Variants in ANKRD46 observed in about 807,000 individuals in gnomAD.
ANKRD46 encodes ankyrin repeat domain-containing protein 46.
ANKRD46 carries 13 observed loss-of-function variants against 19.8 expected under a neutral mutation model. The observed-to-expected ratio is 0.66, with a 90% confidence interval of 0.43 to 1.04. The LOEUF is 1.04. Ranked by LOEUF, ANKRD46 falls within the 50% of genes least tolerant of loss-of-function variation. ANKRD46 has a pLI of 0.00. For missense variants in ANKRD46, 185 were observed against 274.8 expected, an observed-to-expected ratio of 0.67 and a Z score of 2.31; for synonymous variants, 91 against 106.9, an observed-to-expected ratio of 0.85 and a Z score of 0.92.
Position 100,522,902 on chromosome 8 carries a change from CACATATAT to C in ANKRD46, c.471-139_471-132del, listed in dbSNP as rs770363998. 2,067 of 272,616 alleles carry C rather than the reference CACATATAT, an allele frequency of 7.6e-3. 4 individuals carry two copies. The highest frequency in any genetic ancestry group is 0.022 in the African/African-American group (490 of 22,188). The allele number at this position is 272,616 out of a possible 1,614,324, so 16.9% of individuals were successfully genotyped here. On this transcript the variant is annotated intron_variant, in intron 4 of 4. Transcript: ENST00000335659. ...ACACACACACACACACACACACACA[CACATATAT>C]ATATATACACACTCTTACATGCTTA... is the stretch of plus-strand genomic sequence containing the variant.
intron 5 of ANKRD46, among the ~76,000 whole-genome samples, chr8:100,514,653 A>G (rs528646175): frequency 3.9e-5 from 4 of 102,562 alleles, no homozygotes; most frequent in Non-Finnish European, 7.0e-5. Context: ...ATAGAGTCTC[A>G]CTCTGTCACC....
Position 100,550,797 on chromosome 8 carries a change from T to C in ANKRD46, c.-131+8914A>G, listed in dbSNP as rs1812370999. ...TTCACTGTTGTACGAGGAAATGAGC[T>C]TGACAAAGTGGTCACTGAGGGCAAT... On this transcript the variant is annotated intron_variant, in intron 1 of 4. Coordinates refer to ENST00000335659, the MANE Select transcript of ANKRD46 (RefSeq NM_001270377.2). This position sits in a 1 kb window ranked among gnomAD's most constrained non-coding sequence, Gnocchi z 4.4. The C allele has an allele frequency of 3.9e-5, 18 of 459,128 alleles. No individual in the cohort carries two copies. Among genetic ancestry groups the C allele is most frequent in the South Asian group, 2.8e-4 (16 of 57,128 alleles). The allele number at this position is 459,128 out of a possible 1,614,324, so 28.4% of individuals were successfully genotyped here. A position where few individuals can be genotyped will look rare whatever the true frequency, so the allele number is the denominator to read the frequency against.
In ANKRD46 at chr8:100,522,207, A is replaced by G. The variant is rs937090033; in HGVS notation, c.*348T>C. On this transcript the variant is annotated 3_prime_UTR_variant, in exon 5 of 5. Coordinates refer to ENST00000335659, the MANE Select transcript of ANKRD46 (RefSeq NM_001270377.2). The stretch of plus-strand genomic sequence containing the variant: ...ACTGTTTTTCTTTTTGAATACTTCA[A>G]TTGGTCCTATATTAGGATAAGGTTT... The G allele has an allele frequency of 8.8e-6, 9 of 1,023,794 alleles. No homozygotes were observed. The Admixed American group carries it at 2.6e-4, about 29-fold the overall frequency. 63.4% of individuals were successfully genotyped at this position (1,023,794 alleles called of 1,614,324 possible).
At chr8:100,512,345 A>G (rs1333743488) in intron 5 of ANKRD46, among the ~76,000 whole-genome samples, 7 of 152,182 alleles carry the variant, frequency 4.6e-5, no homozygotes, top group Non-Finnish European at 1.0e-4. Flanking sequence ...TTGGAAAGGT[A>G]TAGAATTAGA....
In ANKRD46 at chr8:100,510,679, TC is replaced by T; in HGVS notation, c.637-41del. The T allele has an allele frequency of 5.9e-6, 7 of 1,194,984 alleles. No homozygotes were observed. The highest frequency in any genetic ancestry group is 8.3e-6 in the Non-Finnish European group (7 of 846,570). The allele number at this position is 1,194,984 out of a possible 1,614,324, so 74.0% of individuals were successfully genotyped here. A position where few individuals can be genotyped will look rare whatever the true frequency, so the allele number is the denominator to read the frequency against. ...AAGACAGATTAAAAAAAAAAAAAAA[TC>T]CCAGTTCTGTTAAGCTGCAGAGATG... On this transcript the variant is annotated intron_variant, in intron 5 of 5. Coordinates refer to the ANKRD46 transcript ENST00000520552. The surrounding 1 kb of genome is among the most constrained non-coding windows in gnomAD (Gnocchi z 4.9).
Position 100,510,672 on chromosome 8 carries a change from A to G in ANKRD46, c.637-33T>C. On this transcript the variant is annotated intron_variant, in intron 5 of 5. Coordinates refer to the ANKRD46 transcript ENST00000520552. The surrounding 1 kb of genome is among the most constrained non-coding windows in gnomAD (Gnocchi z 4.9). ...TGTGGGGAAGACAGATTAAAAAAAA[A>G]AAAAAATCCCAGTTCTGTTAAGCTG... The G allele has an allele frequency of 6.6e-7, 1 of 1,517,264 alleles. No individual in the cohort carries two copies. Among genetic ancestry groups the G allele is most frequent in the Non-Finnish European group, 8.8e-7 (1 of 1,135,222 alleles). 94.0% of individuals were successfully genotyped at this position (1,517,264 alleles called of 1,614,324 possible).
chr8:100,545,168 C>T lies in ANKRD46; in HGVS notation c.-130-11857G>A, dbSNP rs1191177517. On this transcript the variant is annotated intron_variant, in intron 1 of 4. Coordinates refer to ENST00000335659, the MANE Select transcript of ANKRD46 (RefSeq NM_001270377.2). The surrounding 1 kb of genome is among the most constrained non-coding windows in gnomAD (Gnocchi z 4.7). ...AGTGAGACCTTGTCTCTAAAATATACATATATAAAAGTTAGGTGTGGTGAC... is the reference window on the plus strand; with the variant it reads ...AGTGAGACCTTGTCTCTAAAATATATATATATAAAAGTTAGGTGTGGTGAC... Among the ~76,000 whole-genome samples the T allele has an allele frequency of 2.0e-5, 3 of 152,076 alleles. No individual in the cohort carries two copies. The highest frequency in any genetic ancestry group is 4.4e-5 in the Non-Finnish European group (3 of 68,004).
rs180913619 is a variant in ANKRD46, at chr8:100,510,308, G to A, written c.*269C>T. ...GCCTTGTGGAGGTGGCATCCTGCCCGGGCGGAGGAGGGGATGGTTCCTGGA... is the reference window on the plus strand; with the variant it reads ...GCCTTGTGGAGGTGGCATCCTGCCCAGGCGGAGGAGGGGATGGTTCCTGGA... On this transcript the variant is annotated 3_prime_UTR_variant, in exon 6 of 6. Coordinates refer to the ANKRD46 transcript ENST00000520552. This position sits in a 1 kb window ranked among gnomAD's most constrained non-coding sequence, Gnocchi z 4.9. 200 of 391,236 alleles carry A rather than the reference G, an allele frequency of 5.1e-4. No homozygotes were observed. The highest frequency in any genetic ancestry group is 3.5e-3 in the African/African-American group (171 of 49,020). 24.2% of individuals were successfully genotyped at this position (391,236 alleles called of 1,614,324 possible). A position where few individuals can be genotyped will look rare whatever the true frequency, so the allele number is the denominator to read the frequency against.
intron 2 of ANKRD46, among the ~76,000 whole-genome samples, chr8:100,531,500 G>C (rs1811962004): frequency 6.6e-6 from 1 of 152,158 alleles, no homozygotes; most frequent in Non-Finnish European, 1.5e-5. Context: ...GCTCTCTGTG[G>C]AAAGAGTGGG....
chr8:100,548,110 GA>G (rs11439843), intron 1 of ANKRD46, among the ~76,000 whole-genome samples: 97 of 147,138 alleles, frequency 6.6e-4, no homozygotes, highest in South Asian at 6.6e-3. Context: ...TCTCAATACA[GA>G]AAAAAAAAAA....
chr8:100,553,495 G>A (rs1272954028), intron 1 of ANKRD46, among the ~76,000 whole-genome samples: 1 of 152,184 alleles, frequency 6.6e-6, no homozygotes, highest in East Asian at 1.9e-4. Context: ...GCTCATGCCT[G>A]TAATCCTAGC....
Position 100,550,749 on chromosome 8 carries a change from A to G in ANKRD46, c.-131+8962T>C, listed in dbSNP as rs893957203. The G allele has an allele frequency of 4.6e-6, 2 of 437,496 alleles. No individual in the cohort carries two copies. The highest frequency in any genetic ancestry group is 5.1e-5 in the Admixed American group (2 of 39,486). 27.1% of individuals were successfully genotyped at this position (437,496 alleles called of 1,614,324 possible). On this transcript the variant is annotated intron_variant, in intron 1 of 4. Transcript: ENST00000335659. The surrounding 1 kb of genome is among the most constrained non-coding windows in gnomAD (Gnocchi z 4.4). ...TTACTCCTTGGAGGCCATATGGGCCACCACCCTGTTGCTGTAGCCAAATTC... is the reference window on the plus strand; with the variant it reads ...TTACTCCTTGGAGGCCATATGGGCCGCCACCCTGTTGCTGTAGCCAAATTC...
rs970791154 is a variant in ANKRD46 at position 100,525,034 on chromosome 8, G to C, written c.471-2263C>G. Among the ~76,000 whole-genome samples, 1 of 152,062 alleles carries C rather than the reference G, an allele frequency of 6.6e-6. No homozygotes were observed. Among genetic ancestry groups the C allele is most frequent in the Non-Finnish European group, 1.5e-5 (1 of 67,984 alleles). On this transcript the variant is annotated intron_variant, in intron 4 of 4. Coordinates refer to ENST00000335659, the MANE Select transcript of ANKRD46 (RefSeq NM_001270377.2). This position sits in a 1 kb window ranked among gnomAD's most constrained non-coding sequence, Gnocchi z 4.4. ...AAGGAATTAAACTTAGAGTTATATGGAGGAGTGGGGAAATATTTTTCATTA... is the reference window on the plus strand; with the variant it reads ...AAGGAATTAAACTTAGAGTTATATGCAGGAGTGGGGAAATATTTTTCATTA...
exon 6 of ANKRD46, chr8:100,509,846 G>A (rs187566542): frequency 6.6e-6 from 1 of 152,236 alleles, no homozygotes; most frequent in Non-Finnish European, 1.5e-5. Context: ...CTCTGGGCAG[G>A]AGACAATTTA....
downstream of ANKRD46, among the ~76,000 whole-genome samples, chr8:100,519,237 A>G (rs1346337641): frequency 6.6e-6 from 1 of 152,228 alleles, no homozygotes; most frequent in Non-Finnish European, 1.5e-5. Flanking sequence ...GGGGTACATG[A>G]TATCATGTCA....
rs1400517701 is a variant in ANKRD46, at chr8:100,510,887, A to G, written c.637-248T>C. 6.6e-6 allele frequency among the ~76,000 whole-genome samples: 1 copy of G among 152,170 alleles called. No individual in the cohort carries two copies. Among genetic ancestry groups the G allele is most frequent in the East Asian group, 1.9e-4 (1 of 5,196 alleles). ...CTGTGTTCAATGTCCTCTCGAGCTAATAATTAAGGTATTATTTAATGAAAG... is the reference window on the plus strand; with the variant it reads ...CTGTGTTCAATGTCCTCTCGAGCTAGTAATTAAGGTATTATTTAATGAAAG... On this transcript the variant is annotated intron_variant, in intron 5 of 5. Transcript: ENST00000520552. The surrounding 1 kb of genome is among the most constrained non-coding windows in gnomAD (Gnocchi z 4.9).
chr8:100,551,578 T>A, intron 1 of ANKRD46: 1 of 750,734 alleles, frequency 1.3e-6, no homozygotes, highest in Non-Finnish European at 2.3e-6. Context: ...TACTGGAACA[T>A]GCAGACCATG....
intron 1 of ANKRD46, among the ~76,000 whole-genome samples, chr8:100,538,209 G>A (rs1563487242): frequency 6.9e-6 from 1 of 145,070 alleles, no homozygotes; most frequent in Non-Finnish European, 1.5e-5. Context: ...GTTCTGCAGT[G>A]CATTGTAAAA....
At position 100,521,008 on chromosome 8, in the gene ANKRD46, G is replaced by A; in HGVS notation, c.*1547C>T. 1 of 985,102 alleles carries A rather than the reference G, an allele frequency of 1.0e-6. No individual in the cohort carries two copies. The highest frequency in any genetic ancestry group is 1.2e-6 in the Non-Finnish European group (1 of 829,874). 61.0% of individuals were successfully genotyped at this position (985,102 alleles called of 1,614,324 possible). On this transcript the variant is annotated 3_prime_UTR_variant, in exon 5 of 5. Coordinates refer to ENST00000335659, the MANE Select transcript of ANKRD46 (RefSeq NM_001270377.2). The stretch of plus-strand genomic sequence containing the variant: ...TGTAGTGTTCTCCATTCCAAAGCCA[G>A]CTGTTTTTTGCTGGATTTACACCAA...
Sources: gnomAD v4.1 joint callset for allele counts (sites outside exome capture counted in the v4.1 genomes callset) on GRCh38, gnomAD v4.1.1 for gene constraint, Gnocchi (gnomAD v3.1) non-coding constraint, MANE v1.5 for transcripts, NCBI Gene and HGNC (gene_info 2026-07-23, HGNC 2026-07-21) for gene names.